Variants in SMG1 observed in about 807,000 individuals in gnomAD.
SMG1 encodes SMG1 nonsense mediated mRNA decay associated PI3K related kinase, also known as serine/threonine-protein kinase SMG1.
SMG1 carries 22 observed loss-of-function variants against 419.9 expected under a neutral mutation model. The ratio of observed to expected loss-of-function variants is 0.05; its 90% confidence interval spans 0.04 to 0.07. SMG1 has a LOEUF of 0.07. Ranked by LOEUF, SMG1 falls within the 10% of genes least tolerant of loss-of-function variation. The probability of loss-of-function intolerance (pLI) is 1.00; values close to 1 mark genes in which losing one functional copy is unlikely to be tolerated. For missense variants in SMG1, 3,185 were observed against 4,342.0 expected (o/e 0.73, Z 7.49); for synonymous variants, 1,538 against 1,553.5 (o/e 0.99, Z 0.23).
At chr16:18,913,352 G>A (rs2037858083) in intron 1 of SMG1, among the ~76,000 whole-genome samples, 1 of 152,050 alleles carries the variant, frequency 6.6e-6, no homozygotes, top group Non-Finnish European at 1.5e-5. Flanking sequence ...ACTCCAAGAT[G>A]AAAGTTAAAA....
At chr16:18,849,463 A>G (rs1312361785) in intron 35 of SMG1, 85 bp from the exon 36 acceptor site, 63 of 1,289,368 alleles carry the variant, frequency 4.9e-5, no homozygotes, top group Non-Finnish European at 6.2e-5. Context: ...AACAGATAAA[A>G]CGTGATGTGT....
chr16:18,855,019 A>G, intron 29 of SMG1, 115 bp from the exon 30 acceptor site: 1 of 940,314 alleles, frequency 1.1e-6, no homozygotes, highest in Middle Eastern at 2.7e-4. Flanking sequence ...TCCTGAAACA[A>G]AGATAACTCA....
chr16:18,920,821 T>C (rs1168669792), intron 1 of SMG1, among the ~76,000 whole-genome samples: 4 of 151,038 alleles, frequency 2.6e-5, no homozygotes, highest in African/African-American at 9.7e-5. Flanking sequence ...ACCTGAGCAA[T>C]GGAGTAAGAC....
intron 55 of SMG1, among the ~76,000 whole-genome samples, chr16:18,820,009 G>C (rs1395045066): frequency 6.6e-6 from 1 of 151,944 alleles, no homozygotes; most frequent in South Asian, 2.1e-4. Context: ...CTGTCACCCA[G>C]GCTGGAGTTG....
chr16:18,898,395 A>G (rs2141864262), intron 1 of SMG1, among the ~76,000 whole-genome samples: 1 of 152,020 alleles, frequency 6.6e-6, no homozygotes, highest in Non-Finnish European at 1.5e-5. Flanking sequence ...AAGGGAAAAT[A>G]AAATCTATGG....
intron 60 of SMG1, among the ~76,000 whole-genome samples, chr16:18,814,127 AT>A (rs1367177851): frequency 1.3e-5 from 2 of 150,138 alleles, no homozygotes; most frequent in African/African-American, 4.9e-5. Flanking sequence ...CCATTAAGTC[AT>A]TTTTAAAAAG....
At chr16:18,870,161 A>G (rs1265187975) in intron 18 of SMG1, among the ~76,000 whole-genome samples, 167 bp from the exon 19 acceptor site, 1 of 152,158 alleles carries the variant, frequency 6.6e-6, no homozygotes, top group Non-Finnish European at 1.5e-5. Flanking sequence ...TCCTTTTTTT[A>G]TTCACCTCAG....
At chr16:18,894,331 T>C (rs2037019325) in intron 3 of SMG1, among the ~76,000 whole-genome samples, 1 of 151,974 alleles carries the variant, frequency 6.6e-6, no homozygotes, top group African/African-American at 2.4e-5. Context: ...TTTTTACAAA[T>C]CCCTAGCCCA....
rs1272745805 is a variant in SMG1 at position 18,845,635 on chromosome 16, T to C, written c.6013A>G (p.Ile2005Val). The C allele has an allele frequency of 4.3e-6, 7 of 1,610,254 alleles. No individual in the cohort carries two copies. Among genetic ancestry groups the C allele is most frequent in the Middle Eastern group, 2.0e-4 (1 of 4,908 alleles). ...NTLRKEEKIA[I>V]MREKHTALMK... ...AAAGCTGTGTGCTTCTCCCTCATGA[T>C]TGCAATTTTCTCTTCTCTGACCAAG... Residue 2005 changes from isoleucine to valine, a missense_variant, in exon 39 of 63, where the codon ATC becomes GTC. Physicochemically the swap from Ile to Val is conservative, Grantham distance 29. Around this residue, in one of 27 missense-constraint regions of SMG1, gnomAD observed 159 missense variants for 196.0 expected, o/e 0.81. Transcript: ENST00000446231.
intron 25 of SMG1, chr16:18,861,126 C>T (rs1596540166): frequency 6.1e-6 from 1 of 164,824 alleles, no homozygotes; most frequent in East Asian, 1.8e-4. Flanking sequence ...ACACCCAGTT[C>T]TCTCCAAGCT....
rs1394532100 is a variant in SMG1 at position 18,809,220 on chromosome 16, A to T, written c.*349T>A. Reference sequence around the variant, plus strand: ...GTACACACAGGGTCAGGTGGAATGGAGTTCCAAATCACTCTGTGCTCCGCG... The same window carrying T: ...GTACACACAGGGTCAGGTGGAATGGTGTTCCAAATCACTCTGTGCTCCGCG... On this transcript the variant is annotated 3_prime_UTR_variant, in exon 63 of 63. Coordinates refer to ENST00000446231, the MANE Select transcript of SMG1 (RefSeq NM_015092.5). The T allele has an allele frequency of 4.4e-6, 1 of 227,040 alleles. No individual in the cohort carries two copies. Among genetic ancestry groups the T allele is most frequent in the East Asian group, 1.0e-4 (1 of 9,766 alleles). 14.1% of individuals were successfully genotyped at this position (227,040 alleles called of 1,614,324 possible).
At chr16:18,887,309 C>T (rs2036651589) in intron 6 of SMG1, among the ~76,000 whole-genome samples, 1 of 151,852 alleles carries the variant, frequency 6.6e-6, no homozygotes, top group South Asian at 2.1e-4. Flanking sequence ...CTGAATCTTC[C>T]CTCAAATTTT....
At position 18,868,519 on chromosome 16, in the gene SMG1, C is replaced by T. The variant is rs993463955; in HGVS notation, c.3030+4G>A. 1.7e-5 allele frequency: 27 copies of T among 1,557,256 alleles called. No individual in the cohort carries two copies. Among genetic ancestry groups the T allele is most frequent in the Non-Finnish European group, 1.5e-5 (17 of 1,143,756 alleles). ...TAAAACAACACTATCTCATGGAAAC[C>T]AACCTTGGGAGGTGAAGTTAATGCA... On this transcript the variant is annotated splice_donor_region_variant and intron_variant, in intron 21 of 62. Coordinates refer to ENST00000446231, the MANE Select transcript of SMG1 (RefSeq NM_015092.5).
chr16:18,872,812 T>C (rs1301662856), intron 13 of SMG1, among the ~76,000 whole-genome samples, 188 bp from the exon 14 acceptor site: 3 of 152,158 alleles, frequency 2.0e-5, no homozygotes, highest in African/African-American at 7.2e-5. Context: ...GCGTGCAATA[T>C]ACCATCTCTA....
chr16:18,856,861 T>C (rs1421613944), intron 29 of SMG1: 2 of 105,110 alleles, frequency 1.9e-5, no homozygotes, highest in Non-Finnish European at 3.9e-5. Context: ...CAGAGTGAGA[T>C]GGTCTCAAAA....
In SMG1 at chr16:18,854,767, T is replaced by A. The variant is rs769969417; in HGVS notation, c.4372A>T (p.Thr1458Ser). The A allele has an allele frequency of 3.1e-6, 5 of 1,613,906 alleles. No individual in the cohort carries two copies. In the African/African-American group the frequency reaches 6.7e-5, roughly 22 times the overall value. ...AAATGTTGGACTAAATCCTGTGCAG[T>A]GGTGGTCTTTCCCAGCTGAACTTCA... Reference protein sequence around the residue: ...CSEVQLGKTTTAQDLVQHFKK... With the variant: ...CSEVQLGKTTSAQDLVQHFKK... Residue 1458 changes from threonine to serine, a missense_variant, in exon 30 of 63, where the codon ACT becomes TCT. Physicochemically the swap from Thr to Ser is moderately conservative, Grantham distance 58. Coordinates refer to ENST00000446231, the MANE Select transcript of SMG1 (RefSeq NM_015092.5).
chr16:18,819,763 A>G, intron 55 of SMG1, 109 bp from the exon 56 acceptor site: 1 of 1,135,410 alleles, frequency 8.8e-7, no homozygotes, highest in Non-Finnish European at 1.2e-6. Context: ...GGGTGGACAC[A>G]TGTAATTTAG....
intron 33 of SMG1, among the ~76,000 whole-genome samples, chr16:18,851,646 G>A (rs1424326839): frequency 6.6e-6 from 1 of 152,144 alleles, no homozygotes; most frequent in African/African-American, 2.4e-5. Flanking sequence ...ACATTCAAGT[G>A]GTTCACCTGC....
chr16:18,848,741 T>C (rs576728704), intron 36 of SMG1, among the ~76,000 whole-genome samples: 13 of 152,136 alleles, frequency 8.5e-5, no homozygotes, highest in Non-Finnish European at 1.6e-4. Flanking sequence ...GCCAGATACA[T>C]AGTAGTTACT....
Sources: gnomAD v4.1 joint callset for allele counts (sites outside exome capture counted in the v4.1 genomes callset) on GRCh38, gnomAD v4.1.1 for gene constraint, gnomAD v4.1.1 regional missense constraint, MANE v1.5 for transcripts, NCBI Gene and HGNC (gene_info 2026-07-23, HGNC 2026-07-21) for gene names.